COL5A1: variants seen among roughly 807,000 people sequenced by gnomAD.
COL5A1 encodes collagen type V alpha 1 chain, also known as collagen alpha-1(V) chain.
Under a neutral mutation model 263.7 loss-of-function variants are expected in COL5A1, and 16 were observed. The ratio of observed to expected loss-of-function variants is 0.06; its 90% CI spans 0.04 to 0.09. The LOEUF (loss-of-function observed/expected upper bound fraction) is 0.09, where lower values mean the gene tolerates loss of function less well. Ranked by LOEUF, COL5A1 falls within the 10% of genes least tolerant of loss-of-function variation. The pLI, the probability that COL5A1 is intolerant of heterozygous loss-of-function variation, is 1.00. For synonymous variants in COL5A1, 1,012 were observed against 1,004.5 expected (o/e 1.01, Z -0.14); for missense variants, 2,036 against 2,540.5 (o/e 0.80, Z 4.27).
In COL5A1 at chr9:134,738,981, G is replaced by C. The variant is rs566159547; in HGVS notation, c.1494+173G>C. 2.0e-5 allele frequency among the ~76,000 whole-genome samples: 3 copies of C among 152,286 alleles called. No individual in the cohort carries two copies. In the South Asian group the frequency reaches 6.2e-4, roughly 32 times the overall value. On this transcript the variant is annotated intron_variant, in intron 11 of 65. Coordinates refer to ENST00000371817, the MANE Select transcript of COL5A1 (RefSeq NM_000093.5). ...CACCAGCCCCGTTCAGATGTTTCTG[G>C]GGCTGAACTGTGGCTATGGGGAGAG...
intron 1 of COL5A1, among the ~76,000 whole-genome samples, chr9:134,648,763 G>A (rs1043687344): frequency 1.3e-5 from 2 of 152,154 alleles, no homozygotes; most frequent in Admixed American, 6.5e-5. Context: ...TCCCTCACTG[G>A]GTACGCAGGA....
At chr9:134,658,713 C>CG (rs964953276) in intron 1 of COL5A1, among the ~76,000 whole-genome samples, 2 of 152,026 alleles carry the variant, frequency 1.3e-5, no homozygotes, top group African/African-American at 2.4e-5. Context: ...TGGAGGGTGG[C>CG]GGGGGGTGGG....
chr9:134,806,718 C>G (rs1838310560), intron 42 of COL5A1, among the ~76,000 whole-genome samples: 1 of 152,208 alleles, frequency 6.6e-6, no homozygotes, highest in Non-Finnish European at 1.5e-5. Flanking sequence ...TGAACTGTTC[C>G]CTGCTGCTGG....
At chr9:134,661,278 C>G (rs982682157) in intron 1 of COL5A1, among the ~76,000 whole-genome samples, 7 of 151,642 alleles carry the variant, frequency 4.6e-5, no homozygotes, top group African/African-American at 1.7e-4. Context: ...ACTAATTGTC[C>G]CACATCTGAC....
chr9:134,698,106 C>CA (rs1163335242), intron 2 of COL5A1, among the ~76,000 whole-genome samples: 1 of 152,098 alleles, frequency 6.6e-6, no homozygotes, highest in Non-Finnish European at 1.5e-5. Context: ...CAAAAAAACC[C>CA]AAAAAAACAA....
intron 5 of COL5A1, 107 bp from the exon 6 acceptor site, chr9:134,728,563 G>C: frequency 6.5e-7 from 1 of 1,530,126 alleles, no homozygotes; most frequent in Non-Finnish European, 9.0e-7. Flanking sequence ...CCTGGGGCTG[G>C]ACGGGGCGTC....
In COL5A1 at chr9:134,721,335, C is replaced by T. The variant is rs934569984; in HGVS notation, c.655-5931C>T. On this transcript the variant is annotated intron_variant, in intron 4 of 65. Coordinates refer to ENST00000371817, the MANE Select transcript of COL5A1 (RefSeq NM_000093.5). ...CCATCTAGGACCACCCTGTAACCTCCCCATAGTACCCATACAGGGCTGCCC... is the reference window on the plus strand; with the variant it reads ...CCATCTAGGACCACCCTGTAACCTCTCCATAGTACCCATACAGGGCTGCCC... Among the ~76,000 whole-genome samples the T allele has an allele frequency of 2.0e-5, 3 of 152,004 alleles. No individual in the cohort carries two copies. In the East Asian group the frequency reaches 5.8e-4, roughly 30 times the overall value.
In COL5A1 at chr9:134,652,629, C is replaced by T; in HGVS notation, c.109+10333C>T. On this transcript the variant is annotated intron_variant, in intron 1 of 65. Coordinates refer to ENST00000371817, the MANE Select transcript of COL5A1 (RefSeq NM_000093.5). This position sits in a 1 kb window ranked among gnomAD's most constrained non-coding sequence, Gnocchi z 4.4. ...ACCCCACAGTGCACGGGACAGCCCCCACCAAAAAGACTGACCCAGCCCGGA... is the reference window on the plus strand; with the variant it reads ...ACCCCACAGTGCACGGGACAGCCCCTACCAAAAAGACTGACCCAGCCCGGA... 4.3e-6 allele frequency: 2 copies of T among 468,446 alleles called. No individual in the cohort carries two copies. Among genetic ancestry groups the T allele is most frequent in the Non-Finnish European group, 8.9e-6 (2 of 225,578 alleles). 29.0% of individuals were successfully genotyped at this position (468,446 alleles called of 1,614,324 possible).
intron 4 of COL5A1, among the ~76,000 whole-genome samples, chr9:134,706,865 G>C (rs536107481): frequency 3.3e-5 from 5 of 152,352 alleles, no homozygotes; most frequent in Admixed American, 3.3e-4. Context: ...AGCAAGGGCA[G>C]AGGGCCCAAG....
chr9:134,827,193 C>T (rs540036335), intron 63 of COL5A1, among the ~76,000 whole-genome samples: 17 of 152,366 alleles, frequency 1.1e-4, no homozygotes, highest in South Asian at 2.1e-4. Flanking sequence ...AAGCAGTTTC[C>T]TGCCAGGGGA....
At position 134,741,984 on chromosome 9, in the gene COL5A1, G is replaced by A. The variant is rs1017748556; in HGVS notation, c.1494+3176G>A. ...CCCTTCCTCACACCCTGCTCCCTGTGGGCAGCCGTGGGCAGCCGTGGCAAT... is the reference window on the plus strand; with the variant it reads ...CCCTTCCTCACACCCTGCTCCCTGTAGGCAGCCGTGGGCAGCCGTGGCAAT... On this transcript the variant is annotated intron_variant, in intron 11 of 65. Coordinates refer to ENST00000371817, the MANE Select transcript of COL5A1 (RefSeq NM_000093.5). This position sits in a 1 kb window ranked among gnomAD's most constrained non-coding sequence, Gnocchi z 4.5. Among the ~76,000 whole-genome samples the A allele has an allele frequency of 1.6e-4, 25 of 152,110 alleles. No individual in the cohort carries two copies. The highest frequency in any genetic ancestry group is 3.4e-3 in the Middle Eastern group (1 of 294).
intron 31 of COL5A1, among the ~76,000 whole-genome samples, chr9:134,788,952 G>A (rs1423642129): frequency 6.7e-6 from 1 of 150,100 alleles, no homozygotes; most frequent in African/African-American, 2.5e-5. Context: ...GGATGAGTGG[G>A]TGGGTGGGTA....
At chr9:134,703,674 G>A (rs1453293305) in intron 4 of COL5A1, among the ~76,000 whole-genome samples, 3 of 125,132 alleles carry the variant, frequency 2.4e-5, no homozygotes, top group African/African-American at 6.2e-5. Flanking sequence ...GTCTCGCTCC[G>A]TCGCCCAGGC....
At chr9:134,672,622 C>T (rs952724324) in intron 1 of COL5A1, among the ~76,000 whole-genome samples, 4 of 152,194 alleles carry the variant, frequency 2.6e-5, no homozygotes, top group South Asian at 2.1e-4. Context: ...AAGGCAGGAA[C>T]GTCTGCTCGT....
chr9:134,704,414 G>A (rs1439653729), intron 4 of COL5A1, among the ~76,000 whole-genome samples: 1 of 152,178 alleles, frequency 6.6e-6, no homozygotes, highest in Non-Finnish European at 1.5e-5. Context: ...GGTAACGTGT[G>A]GTTTTCAAAA....
intron 62 of COL5A1, 79 bp downstream of exon 62, chr9:134,824,934 T>C: frequency 6.6e-7 from 1 of 1,522,008 alleles, no homozygotes; most frequent in Non-Finnish European, 8.8e-7. Flanking sequence ...GCAAGGACAG[T>C]TCAGCCAGGC....
intron 26 of COL5A1, among the ~76,000 whole-genome samples, chr9:134,773,550 G>A (rs1225161807): frequency 2.0e-5 from 3 of 152,206 alleles, no homozygotes; most frequent in African/African-American, 7.2e-5. Flanking sequence ...TGAGGGCAGA[G>A]GCCCACCTGC....
chr9:134,741,113 C>T lies in COL5A1; in HGVS notation c.1494+2305C>T, dbSNP rs867832769. Among the ~76,000 whole-genome samples the T allele has an allele frequency of 7.2e-5, 11 of 152,280 alleles. No individual in the cohort carries two copies. The highest frequency in any genetic ancestry group is 6.8e-3 in the Middle Eastern group (2 of 294). ...GCCCTCTTGATGTCCAGATCTTGCT[C>T]GATGCCCGCTAATCAGCTGTGAAAG... is the stretch of plus-strand genomic sequence containing the variant. On this transcript the variant is annotated intron_variant, in intron 11 of 65. Coordinates refer to ENST00000371817, the MANE Select transcript of COL5A1 (RefSeq NM_000093.5). This position sits in a 1 kb window ranked among gnomAD's most constrained non-coding sequence, Gnocchi z 4.5.
intron 4 of COL5A1, among the ~76,000 whole-genome samples, chr9:134,710,592 G>A (rs1374537563): frequency 2.3e-5 from 3 of 131,076 alleles, no homozygotes; most frequent in Non-Finnish European, 3.3e-5. Context: ...AGTGGTGGGG[G>A]GGCCCATTTG....
Sources: allele counts gnomAD v4.1 joint callset (sites outside exome capture counted in the v4.1 genomes callset), GRCh38; gene constraint gnomAD v4.1.1; non-coding constraint Gnocchi (gnomAD v3.1); transcripts MANE v1.5; gene names NCBI Gene and HGNC (gene_info 2026-07-23, HGNC 2026-07-21).